MCM10: variants seen among roughly 807,000 people sequenced by gnomAD.
MCM10 encodes minichromosome maintenance 10 replication initiation factor, also known as protein MCM10 homolog.
A neutral mutation model predicts 109.9 loss-of-function variants in MCM10; 91 were observed. The ratio of observed to expected loss-of-function variants is 0.83; its 90% confidence interval spans 0.70 to 0.99. The LOEUF is 0.99. Ranked by LOEUF, MCM10 falls within the 50% of genes least tolerant of loss-of-function variation. The pLI is 0.00. For synonymous variants in MCM10, 380 were observed against 387.2 expected (o/e 0.98, Z 0.22); for missense variants, 1,077 against 1,061.2 (o/e 1.01, Z -0.21).
intron 14 of MCM10, among the ~76,000 whole-genome samples, chr10:13,196,543 C>T (rs529126114): frequency 1.3e-5 from 2 of 152,186 alleles, no homozygotes; most frequent in South Asian, 4.2e-4. Flanking sequence ...GATGGAGTCT[C>T]GCTCTGTCAC....
rs767249363 is a variant in MCM10 at position 13,191,392 on chromosome 10, A to G, written c.1509A>G (p.Gln503=). 6 of 1,613,608 alleles carry G rather than the reference A, an allele frequency of 3.7e-6. No individual in the cohort carries two copies. Among genetic ancestry groups the G allele is most frequent in the Non-Finnish European group, 5.1e-6 (6 of 1,179,526 alleles). The change falls in exon 11 of 20, where the codon CAA becomes CAG. Residue 503 remains glutamine, a synonymous_variant. Coordinates refer to ENST00000378714, the MANE Select transcript of MCM10 (RefSeq NM_018518.5). ...GTNLIIQETR[Q]KLGIPQKSLS... ...ACTTGATCATCCAGGAAACACGGCAAAAACTCGGTAACTTTGTTTTTCCAT... is the reference window on the plus strand; with the variant it reads ...ACTTGATCATCCAGGAAACACGGCAGAAACTCGGTAACTTTGTTTTTCCAT...
At chr10:13,163,926 A>C (rs1304725717) in intron 1 of MCM10, among the ~76,000 whole-genome samples, 1 of 152,114 alleles carries the variant, frequency 6.6e-6, no homozygotes, top group Non-Finnish European at 1.5e-5. Flanking sequence ...TGTAACCTTA[A>C]ACACAAGTAA....
chr10:13,188,752 C>T (rs1035129214), intron 9 of MCM10, 129 bp from the exon 10 acceptor site: 8 of 800,374 alleles, frequency 1.0e-5, no homozygotes, highest in Non-Finnish European at 1.5e-5. Context: ...TGGGAACGGT[C>T]GTGGAGGTCA....
At chr10:13,162,373 A>G (rs890691590) in intron 1 of MCM10, among the ~76,000 whole-genome samples, 1 of 152,036 alleles carries the variant, frequency 6.6e-6, no homozygotes, top group South Asian at 2.1e-4. Context: ...CAATGAAGGG[A>G]CCCCCATGAT....
chr10:13,201,175 C>G (rs1409102851), intron 16 of MCM10, among the ~76,000 whole-genome samples: 5 of 152,016 alleles, frequency 3.3e-5, no homozygotes, highest in African/African-American at 7.2e-5. Context: ...TAAAAATCAC[C>G]AAATGCTCTC....
At chr10:13,181,780 G>A (rs1834212750) in intron 7 of MCM10, among the ~76,000 whole-genome samples, 1 of 152,124 alleles carries the variant, frequency 6.6e-6, no homozygotes, top group Non-Finnish European at 1.5e-5. Flanking sequence ...CAAATTCTTA[G>A]TTACTTCATA....
chr10:13,189,689 G>A (rs1483407745), intron 10 of MCM10, among the ~76,000 whole-genome samples: 1 of 152,054 alleles, frequency 6.6e-6, no homozygotes, highest in Non-Finnish European at 1.5e-5. Context: ...TAATTACAGT[G>A]TTAACACCCT....
intron 15 of MCM10, 128 bp downstream of exon 15, chr10:13,197,895 A>T: frequency 1.1e-6 from 1 of 934,454 alleles, no homozygotes; most frequent in South Asian, 2.0e-5. Context: ...ATACCTAAAT[A>T]GAATTTCTAT....
chr10:13,188,109 C>G (rs1206357264), intron 9 of MCM10, among the ~76,000 whole-genome samples: 2 of 152,058 alleles, frequency 1.3e-5, no homozygotes, highest in Admixed American at 6.5e-5. Flanking sequence ...CACGCCACTG[C>G]ACTCCAGCCT....
chr10:13,187,579 A>G (rs1046645886), intron 9 of MCM10, among the ~76,000 whole-genome samples: 2 of 152,220 alleles, frequency 1.3e-5, no homozygotes, highest in Non-Finnish European at 2.9e-5. Flanking sequence ...CCCACCAGCA[A>G]TGGATGAACT....
At chr10:13,165,388 A>C (rs1833982986) in intron 2 of MCM10, among the ~76,000 whole-genome samples, 1 of 152,212 alleles carries the variant, frequency 6.6e-6, no homozygotes, top group African/African-American at 2.4e-5. Flanking sequence ...CCTTATGTGA[A>C]ACTCATTGCC....
chr10:13,189,868 G>A (rs1588474002), intron 10 of MCM10, among the ~76,000 whole-genome samples: 2 of 152,104 alleles, frequency 1.3e-5, no homozygotes, highest in South Asian at 2.1e-4. Context: ...AGCCCCTGAC[G>A]CTGTAATCCA....
intron 13 of MCM10, among the ~76,000 whole-genome samples, chr10:13,193,723 A>G (rs550000557): frequency 1.3e-5 from 2 of 152,324 alleles, no homozygotes; most frequent in South Asian, 4.1e-4. Context: ...TTGAGCCTAC[A>G]GATGACATAA....
Position 13,194,999 on chromosome 10 carries a change from C to T in MCM10, c.1746-42C>T, listed in dbSNP as rs777888385. The T allele has an allele frequency of 2.0e-5, 31 of 1,571,428 alleles. 1 individual carries two copies. The highest frequency in any genetic ancestry group is 1.4e-4 in the South Asian group (12 of 87,852). ...CTTTGAGTTCTAGAGTTTTTATTTT[C>T]GTAAACCCTGTTTGCGTATTTTGAC... On this transcript the variant is annotated intron_variant, in intron 13 of 19. Coordinates refer to ENST00000378714, the MANE Select transcript of MCM10 (RefSeq NM_018518.5).
intron 1 of MCM10, among the ~76,000 whole-genome samples, chr10:13,163,816 G>A (rs1401893915): frequency 1.3e-5 from 2 of 152,100 alleles, no homozygotes; most frequent in African/African-American, 4.8e-5. Context: ...CAGGCGTTGA[G>A]CCACTGTACC....
chr10:13,207,119 A>C (rs1458619629), intron 18 of MCM10, among the ~76,000 whole-genome samples: 1 of 152,094 alleles, frequency 6.6e-6, no homozygotes, highest in Non-Finnish European at 1.5e-5. Context: ...CTTGATCTAG[A>C]ACAGAAGGCA....
chr10:13,197,627 C>G lies in MCM10; in HGVS notation c.1979C>G (p.Ala660Gly). 6.2e-7 allele frequency: 1 copy of G among 1,611,330 alleles called. No individual in the cohort carries two copies. Among genetic ancestry groups the G allele is most frequent in the South Asian group, 1.1e-5 (1 of 90,376 alleles). Reference protein sequence around the residue: ...LSALAEAKKLAAITKLRAKGQ... With the variant: ...LSALAEAKKLGAITKLRAKGQ... Reference sequence around the variant, plus strand: ...CTCTCATTCCCTTTTTTCTAGTTAGCTGCTATCACCAAATTAAGGGCAAAA... The same window carrying G: ...CTCTCATTCCCTTTTTTCTAGTTAGGTGCTATCACCAAATTAAGGGCAAAA... Residue 660 changes from alanine (A) to glycine (G), a missense_variant, in exon 15 of 20, where the codon GCT becomes GGT. Transcript: ENST00000378714.
intron 1 of MCM10, 78 bp from the exon 2 acceptor site, chr10:13,164,050 A>T: frequency 1.9e-6 from 1 of 536,212 alleles, no homozygotes; most frequent in Non-Finnish European, 3.2e-6. Context: ...GAGTGGTAGG[A>T]TTCTGGGTTT....
intron 14 of MCM10, among the ~76,000 whole-genome samples, chr10:13,195,930 C>G (rs954594616): frequency 1.3e-5 from 2 of 151,838 alleles, no homozygotes; most frequent in Admixed American, 6.6e-5. Flanking sequence ...TTGAGACAGA[C>G]TATCCCCCTG....
Sources: gnomAD v4.1 joint callset for allele counts (sites outside exome capture counted in the v4.1 genomes callset) on GRCh38, gnomAD v4.1.1 for gene constraint, MANE v1.5 for transcripts, NCBI Gene and HGNC (gene_info 2026-07-23, HGNC 2026-07-21) for gene names.